PRKG1: variants seen among roughly 807,000 people sequenced by gnomAD.
The protein encoded by PRKG1 is protein kinase cGMP-dependent 1, also known as cGMP-dependent protein kinase 1.
Under a neutral mutation model 88.1 loss-of-function variants are expected in PRKG1, and 35 were observed. That is an observed-to-expected ratio of 0.40 (90% CI 0.30 to 0.53). PRKG1 has a LOEUF of 0.53. Ranked by LOEUF, PRKG1 falls within the 20% of genes least tolerant of loss-of-function variation. PRKG1 has a pLI of 0.59. For synonymous variants in PRKG1, 303 were observed against 292.5 expected (o/e 1.04, Z -0.37); for missense variants, 540 against 839.8 (o/e 0.64, Z 4.41).
intron 3 of PRKG1, among the ~76,000 whole-genome samples, chr10:51,701,104 A>C (rs1268086586): frequency 6.6e-6 from 1 of 152,200 alleles, no homozygotes; most frequent in Non-Finnish European, 1.5e-5. Context: ...GTAAAAAATT[A>C]TTTTGAAGTT....
At chr10:51,738,944 CTT>C (rs1837362624) in intron 3 of PRKG1, among the ~76,000 whole-genome samples, 1 of 152,128 alleles carries the variant, frequency 6.6e-6, no homozygotes, top group African/African-American at 2.4e-5. Flanking sequence ...CTATGAAAGA[CTT>C]TAGCAGAGCT....
At chr10:51,680,332 G>A in intron 3 of PRKG1, among the ~76,000 whole-genome samples, 1 of 151,146 alleles carries the variant, frequency 6.6e-6, no homozygotes, top group East Asian at 1.9e-4. Flanking sequence ...TTGTAAAGGA[G>A]GCCCTTGAGC....
At chr10:51,461,572 GAAGAGTT>G (rs1839746209) in intron 2 of PRKG1, among the ~76,000 whole-genome samples, 1 of 152,150 alleles carries the variant, frequency 6.6e-6, no homozygotes, top group Non-Finnish European at 1.5e-5. Context: ...TTAATACTGT[GAAGAGTT>G]AACACATCAT....
intron 7 of PRKG1, among the ~76,000 whole-genome samples, chr10:52,113,706 G>A (rs1342372180): frequency 6.6e-6 from 1 of 152,054 alleles, no homozygotes; most frequent in African/African-American, 2.4e-5. Flanking sequence ...ATCATTGTAA[G>A]TCTCATGCTA....
At chr10:52,076,560 A>G (rs1564458507) in intron 7 of PRKG1, among the ~76,000 whole-genome samples, 1 of 152,212 alleles carries the variant, frequency 6.6e-6, no homozygotes. Context: ...CTGTCAGAAG[A>G]AGAAGGAGAA....
At chr10:51,060,066 C>CT (rs199659542) in intron 1 of PRKG1, among the ~76,000 whole-genome samples, 1,635 of 152,098 alleles carry the variant, frequency 0.011, 19 homozygotes, top group Non-Finnish European at 0.017. Context: ...AGAGATATCC[C>CT]TTTTTAACTC....
intron 3 of PRKG1, among the ~76,000 whole-genome samples, chr10:51,606,042 CA>C (rs1338736701): frequency 2.6e-5 from 4 of 152,042 alleles, no homozygotes; most frequent in Non-Finnish European, 5.9e-5. Flanking sequence ...AAAAATTTAT[CA>C]TTTTTTTAAT....
At chr10:51,847,249 A>G (rs1000024036) in intron 4 of PRKG1, among the ~76,000 whole-genome samples, 1 of 152,220 alleles carries the variant, frequency 6.6e-6, no homozygotes, top group South Asian at 2.1e-4. Flanking sequence ...TTTACCTGCC[A>G]TTATGAACTA....
At chr10:52,279,410 A>G (rs963692412) in intron 12 of PRKG1, among the ~76,000 whole-genome samples, 1 of 152,160 alleles carries the variant, frequency 6.6e-6, no homozygotes, top group African/African-American at 2.4e-5. Flanking sequence ...AGAGGAATAG[A>G]TATCATTATG....
chr10:51,387,392 T>G (rs7914642), intron 2 of PRKG1, among the ~76,000 whole-genome samples: 32,905 of 150,468 alleles, frequency 0.22, 3,799 homozygotes, highest in Admixed American at 0.28. Flanking sequence ...TATATATATT[T>G]AAAGAAGGGG....
chr10:51,761,279 G>C (rs1838015794), intron 3 of PRKG1, among the ~76,000 whole-genome samples: 1 of 152,142 alleles, frequency 6.6e-6, no homozygotes, highest in Non-Finnish European at 1.5e-5. Context: ...ATTACTACTA[G>C]AACTTTAGCT....
At chr10:51,231,667 T>A (rs1415732889) in intron 2 of PRKG1, among the ~76,000 whole-genome samples, 1 of 152,188 alleles carries the variant, frequency 6.6e-6, no homozygotes, top group Non-Finnish European at 1.5e-5. Context: ...AGACGTTCTG[T>A]TGAGCTCAGA....
intron 9 of PRKG1, among the ~76,000 whole-genome samples, chr10:52,183,839 C>G (rs1163758217): frequency 6.6e-6 from 1 of 152,202 alleles, no homozygotes; most frequent in Admixed American, 6.5e-5. Context: ...AAACTGAGCT[C>G]TGGGCTTGCA....
intron 2 of PRKG1, among the ~76,000 whole-genome samples, chr10:51,414,828 T>C (rs939133280): frequency 6.6e-6 from 1 of 152,214 alleles, no homozygotes; most frequent in East Asian, 1.9e-4. Context: ...TGCATTTTAT[T>C]TGGTTTTTAA....
intron 7 of PRKG1, among the ~76,000 whole-genome samples, chr10:52,066,134 C>A (rs1218223693): frequency 6.6e-6 from 1 of 152,154 alleles, no homozygotes; most frequent in Non-Finnish European, 1.5e-5. Context: ...TGCTAGTTAC[C>A]TCATGAAATG....
chr10:51,191,685 T>G (rs1282979532), intron 2 of PRKG1, among the ~76,000 whole-genome samples: 1 of 151,788 alleles, frequency 6.6e-6, no homozygotes, highest in Non-Finnish European at 1.5e-5. Context: ...ATCCTCATTT[T>G]ATAGACCATC....
At chr10:52,008,488 T>A (rs954013275) in intron 5 of PRKG1, among the ~76,000 whole-genome samples, 6 of 152,168 alleles carry the variant, frequency 3.9e-5, no homozygotes, top group Non-Finnish European at 1.5e-5. Context: ...CAGAGACTAC[T>A]ATGAACACCT....
intron 3 of PRKG1, among the ~76,000 whole-genome samples, chr10:51,666,321 T>C (rs923804709): frequency 2.0e-5 from 3 of 152,214 alleles, no homozygotes; most frequent in Non-Finnish European, 4.4e-5. Flanking sequence ...GGCCCCTTGA[T>C]GGTTTTTGAC....
intron 3 of PRKG1, among the ~76,000 whole-genome samples, chr10:51,523,762 A>C (rs1329933774): frequency 6.6e-6 from 1 of 152,250 alleles, no homozygotes; most frequent in African/African-American, 2.4e-5. Context: ...TTATTAGCTC[A>C]AAGCATTAAA....
Sources: gnomAD v4.1 joint callset for allele counts (sites outside exome capture counted in the v4.1 genomes callset) on GRCh38, gnomAD v4.1.1 for gene constraint, MANE v1.5 for transcripts, NCBI Gene and HGNC (gene_info 2026-07-23, HGNC 2026-07-21) for gene names.